Variants in GNPAT observed in about 807,000 individuals in gnomAD.
GNPAT encodes the protein glyceronephosphate O-acyltransferase.
GNPAT carries 30 observed loss-of-function variants against 78.4 expected under a neutral mutation model. The observed-to-expected ratio is 0.38, with a 90% CI of 0.29 to 0.52. The LOEUF is 0.52. GNPAT is among the 20% of genes least tolerant of loss of function. The probability of loss-of-function intolerance (pLI) is 0.84; values close to 1 mark genes in which losing one functional copy is unlikely to be tolerated. For synonymous variants in GNPAT, 271 were observed against 281.1 expected (o/e 0.96, Z 0.36); for missense variants, 714 against 812.2 (o/e 0.88, Z 1.47).
chr1:231,260,822 G>A (rs1685203591), intron 3 of GNPAT, 139 bp downstream of exon 3: 1 of 660,056 alleles, frequency 1.5e-6, no homozygotes, highest in Admixed American at 2.7e-5. Context: ...AAAGCCTAGG[G>A]CCTAATCATC....
chr1:231,270,873 C>T lies in GNPAT; in HGVS notation c.1395C>T (p.Val465=), dbSNP rs200208098. 7.4e-6 allele frequency: 12 copies of T among 1,614,022 alleles called. No individual in the cohort carries two copies. The highest frequency in any genetic ancestry group is 1.3e-5 in the African/African-American group (1 of 74,932). ...TGGACTCCGGAGACTCGGAAGTGGTCGATGGGCTTATGCTCCAGCACATCA... is the reference window on the plus strand; with the variant it reads ...TGGACTCCGGAGACTCGGAAGTGGTTGATGGGCTTATGCTCCAGCACATCA... ...LKVDSGDSEV[V]DGLMLQHITL... Residue 465 remains valine (V), a synonymous_variant, in exon 10 of 16, where the codon GTC becomes GTT. Transcript: ENST00000366647.
chr1:231,263,625 C>T (rs944111270), intron 4 of GNPAT, among the ~76,000 whole-genome samples: 10 of 152,042 alleles, frequency 6.6e-5, no homozygotes, highest in African/African-American at 1.9e-4. Flanking sequence ...TATGGAATTG[C>T]TGGGTCTTGT....
intron 11 of GNPAT, among the ~76,000 whole-genome samples, chr1:231,273,358 T>G (rs556762636): frequency 7.2e-4 from 109 of 151,408 alleles, no homozygotes; most frequent in African/African-American, 2.4e-3. Flanking sequence ...TTCACTCCAT[T>G]CTCCTGCCTC....
chr1:231,247,177 C>A (rs532418132), intron 1 of GNPAT, among the ~76,000 whole-genome samples: 6 of 151,826 alleles, frequency 4.0e-5, no homozygotes, highest in Non-Finnish European at 5.9e-5. Flanking sequence ...AAAAAAAAAA[C>A]CACTGGATTC....
At chr1:231,271,738 G>T (rs546429175) in intron 10 of GNPAT, among the ~76,000 whole-genome samples, 1 of 152,154 alleles carries the variant, frequency 6.6e-6, no homozygotes, top group African/African-American at 2.4e-5. Flanking sequence ...AAAATGAAGC[G>T]TCCTGGCCTC....
rs1685755336 is a variant in GNPAT, at chr1:231,277,657, C to CT, written c.*116dup. On this transcript the variant is annotated 3_prime_UTR_variant, in exon 16 of 16. Coordinates refer to ENST00000366647, the MANE Select transcript of GNPAT (RefSeq NM_014236.4). ...ACATCCTCTCATACTCCCTGAGACT[C>CT]TGAGAACAGTGGACGCAGAGGGAAG... 2 of 752,254 alleles carry CT rather than the reference C, an allele frequency of 2.7e-6. No individual in the cohort carries two copies. Among genetic ancestry groups the CT allele is most frequent in the South Asian group, 2.8e-5 (2 of 71,132 alleles). 46.6% of individuals were successfully genotyped at this position (752,254 alleles called of 1,614,324 possible). A position where few individuals can be genotyped will look rare whatever the true frequency, so the allele number is the denominator to read the frequency against.
Position 231,277,857 on chromosome 1 carries a change from G to A in GNPAT, c.*315G>A, listed in dbSNP as rs1374342483. 4 of 228,700 alleles carry A rather than the reference G, an allele frequency of 1.7e-5. No individual in the cohort carries two copies. The highest frequency in any genetic ancestry group is 1.0e-4 in the South Asian group (1 of 9,866). The allele number at this position is 228,700 out of a possible 1,614,324, so 14.2% of individuals were successfully genotyped here. A position where few individuals can be genotyped will look rare whatever the true frequency, so the allele number is the denominator to read the frequency against. On this transcript the variant is annotated 3_prime_UTR_variant, in exon 16 of 16. Transcript: ENST00000366647. ...CTTACTATATGTATTAAACTTTTAT[G>A]TTGACTTTTGAATTAAAGTATGACA...
Position 231,277,520 on chromosome 1 carries a change from A to T in GNPAT, c.2021A>T (p.Lys674Ile), listed in dbSNP as rs756465630. 33 of 1,593,978 alleles carry T rather than the reference A, an allele frequency of 2.1e-5. No individual in the cohort carries two copies. The highest frequency in any genetic ancestry group is 2.8e-5 in the Non-Finnish European group (32 of 1,161,714). Residue 674 changes from lysine (K) to isoleucine (I), a missense_variant, in exon 16 of 16, where the codon AAA becomes ATA. By Grantham distance (102) the Lys-to-Ile change is moderately radical. Coordinates refer to ENST00000366647, the MANE Select transcript of GNPAT (RefSeq NM_014236.4). ...TTAGGTTGTAAGACACCAATAGGAAAACCAGCCACTGCAAAACTTTAATAA... is the reference window on the plus strand; with the variant it reads ...TTAGGTTGTAAGACACCAATAGGAATACCAGCCACTGCAAAACTTTAATAA... The part of the protein sequence containing the change: ...EMLGCKTPIG[K>I]PATAKL
chr1:231,260,938 A>G (rs752273080), intron 3 of GNPAT, among the ~76,000 whole-genome samples: 3 of 152,200 alleles, frequency 2.0e-5, no homozygotes, highest in Non-Finnish European at 2.9e-5. Context: ...AACTTAGTCA[A>G]GTAAGACTTA....
At chr1:231,265,905 A>G in intron 6 of GNPAT, 109 bp from the exon 7 acceptor site, 1 of 1,077,452 alleles carries the variant, frequency 9.3e-7, no homozygotes, top group Non-Finnish European at 1.4e-6. Context: ...AACTGTTGAT[A>G]TTTACGGGAT....
rs760516169 is a variant in GNPAT at position 231,243,220 on chromosome 1, G to A, written c.78+1764G>A. 6.1e-4 allele frequency among the ~76,000 whole-genome samples: 93 copies of A among 152,348 alleles called. 1 individual carries two copies. In the Middle Eastern group the frequency reaches 0.01, roughly 17 times the overall value. On this transcript the variant is annotated intron_variant, in intron 1 of 15. Transcript: ENST00000366647. ...GGGCAATGATTGAAGCATGCACAGC[G>A]TGTTGTGGGAGAGACAAGAAGGGGC... is the stretch of plus-strand genomic sequence containing the variant.
At chr1:231,258,827 C>A (rs145717892) in intron 2 of GNPAT, among the ~76,000 whole-genome samples, 1 of 150,894 alleles carries the variant, frequency 6.6e-6, no homozygotes, top group African/African-American at 2.4e-5. Context: ...TTAGTAGAGA[C>A]GGGGTTTCAC....
At chr1:231,251,351 A>G (rs576105692) in intron 2 of GNPAT, among the ~76,000 whole-genome samples, 1 of 152,306 alleles carries the variant, frequency 6.6e-6, no homozygotes, top group South Asian at 2.1e-4. Context: ...CGTAAGTGAA[A>G]TATGTCGTCT....
At chr1:231,256,057 A>G (rs771935969) in intron 2 of GNPAT, among the ~76,000 whole-genome samples, 33 of 152,052 alleles carry the variant, frequency 2.2e-4, no homozygotes, top group Non-Finnish European at 4.3e-4. Flanking sequence ...CTCTGGTTTT[A>G]TTCTACCCAG....
chr1:231,265,770 C>A lies in GNPAT; in HGVS notation c.755C>A (p.Thr252Lys). Residue 252 changes from threonine to lysine, a missense_variant, in exon 6 of 16, where the codon ACA becomes AAA. Coordinates refer to ENST00000366647, the MANE Select transcript of GNPAT (RefSeq NM_014236.4). ...GGGACAAGAAGCCGCTCTGCCAAGA[C>A]ATTGACTCCTAAATTTGGTAGGTCA... Reference protein sequence around the residue: ...LEGTRSRSAKTLTPKFGLLNI... With the variant: ...LEGTRSRSAKKLTPKFGLLNI... 6.3e-7 allele frequency: 1 copy of A among 1,594,624 alleles called. No homozygotes were observed. Among genetic ancestry groups the A allele is most frequent in the Non-Finnish European group, 8.6e-7 (1 of 1,162,168 alleles).
intron 1 of GNPAT, among the ~76,000 whole-genome samples, chr1:231,242,970 G>T (rs1684654365): frequency 6.6e-6 from 1 of 152,194 alleles, no homozygotes; most frequent in South Asian, 2.1e-4. Context: ...ACTTCAGGCT[G>T]TTTTTATTTC....
Position 231,241,377 on chromosome 1 carries a change from C to A in GNPAT, c.-2C>A. The A allele has an allele frequency of 1.9e-6, 3 of 1,612,168 alleles. No individual in the cohort carries two copies. In the South Asian group the frequency reaches 3.3e-5, roughly 18 times the overall value. On this transcript the variant is annotated 5_prime_UTR_variant, in exon 1 of 16. Transcript: ENST00000366647. ...GACCCCGCCCGGGAAGGCAGCCGCA[C>A]CATGGAGTCTTCCAGTTCATCTAAC... is the stretch of plus-strand genomic sequence containing the variant.
chr1:231,241,359 C>A lies in GNPAT; in HGVS notation c.-20C>A. ...GCTTAGCAAAGAATCCCAGACCCCG[C>A]CCGGGAAGGCAGCCGCACCATGGAG... On this transcript the variant is annotated 5_prime_UTR_variant, in exon 1 of 16. Transcript: ENST00000366647. 6.2e-7 allele frequency: 1 copy of A among 1,601,834 alleles called. No individual in the cohort carries two copies. Among genetic ancestry groups the A allele is most frequent in the Non-Finnish European group, 8.6e-7 (1 of 1,168,738 alleles).
intron 1 of GNPAT, 111 bp downstream of exon 1, chr1:231,241,567 A>G: frequency 2.5e-6 from 2 of 810,224 alleles, no homozygotes; most frequent in South Asian, 1.4e-5. Flanking sequence ...GCTGGCCCCT[A>G]GGCTCCCGAG....
Sources: gnomAD v4.1 joint callset for allele counts (sites outside exome capture counted in the v4.1 genomes callset) on GRCh38, gnomAD v4.1.1 for gene constraint, MANE v1.5 for transcripts, NCBI Gene and HGNC (gene_info 2026-07-23, HGNC 2026-07-21) for gene names.